NEO1: variants seen among roughly 807,000 people sequenced by gnomAD.
The protein encoded by NEO1 is neogenin.
In NEO1, 63 loss-of-function variants were observed where a neutral mutation model predicts 159.7. The observed-to-expected ratio is 0.39, with a 90% CI of 0.32 to 0.49. The LOEUF (loss-of-function observed/expected upper bound fraction) is 0.49. Ranked by LOEUF, NEO1 falls within the 20% of genes least tolerant of loss-of-function variation. The probability of loss-of-function intolerance (pLI) is 0.85; values close to 1 mark genes in which losing one functional copy is unlikely to be tolerated. For missense variants in NEO1, 1,615 were observed against 1,831.0 expected (o/e 0.88, Z 2.15); for synonymous variants, 633 against 662.0 (o/e 0.96, Z 0.67).
chr15:73,283,039 G>T lies in NEO1; in HGVS notation c.3338G>T (p.Gly1113Val). The change falls in exon 23 of 29, where the codon GGC becomes GTC. Residue 1113 changes from glycine (G) to valine (V), a missense_variant. By Grantham distance (109) the Gly-to-Val change is moderately radical. This residue lies in a region of NEO1 where 471 missense variants were observed against 498.9 expected (regional missense o/e 0.94). Transcript: ENST00000261908. ...NMLLVIIVSV[G>V]VITIVVVVII... ...CTGCTGGTCATAATTGTTTCTGTTG[G>T]CGTCATCACCATCGTGGTGGTTGTG... 6.2e-7 allele frequency: 1 copy of T among 1,614,122 alleles called. No individual in the cohort carries two copies. Among genetic ancestry groups the T allele is most frequent in the Non-Finnish European group, 8.5e-7 (1 of 1,180,030 alleles).
intron 12 of NEO1, among the ~76,000 whole-genome samples, chr15:73,254,155 A>C (rs2040223194): frequency 6.6e-6 from 1 of 152,080 alleles, no homozygotes; most frequent in Non-Finnish European, 1.5e-5. Context: ...ATGCTACTAC[A>C]CTATAGCCTG....
chr15:73,238,021 G>A (rs188163433), intron 8 of NEO1, among the ~76,000 whole-genome samples: 1 of 151,964 alleles, frequency 6.6e-6, no homozygotes, highest in Non-Finnish European at 1.5e-5. Flanking sequence ...TTAGCCCCTC[G>A]GTGACTGTCA....
At chr15:73,166,065 A>C (rs750154250) in intron 5 of NEO1, among the ~76,000 whole-genome samples, 4 of 152,050 alleles carry the variant, frequency 2.6e-5, no homozygotes, top group Non-Finnish European at 2.9e-5. Flanking sequence ...TTGATTTTTC[A>C]GGTTGTTCTG....
At chr15:73,211,174 G>A (rs1345403777) in intron 7 of NEO1, among the ~76,000 whole-genome samples, 2 of 152,166 alleles carry the variant, frequency 1.3e-5, no homozygotes, top group Non-Finnish European at 2.9e-5. Flanking sequence ...ACTGGACTAG[G>A]CCTCTTGCTG....
intron 14 of NEO1, 169 bp downstream of exon 14, chr15:73,259,045 T>C: frequency 1.7e-6 from 1 of 589,470 alleles, no homozygotes; most frequent in East Asian, 2.9e-5. Context: ...AATGGATTTT[T>C]TGCAGTGCCT....
chr15:73,177,204 CCTA>C (rs1269166671), intron 6 of NEO1, among the ~76,000 whole-genome samples: 1 of 151,970 alleles, frequency 6.6e-6, no homozygotes, highest in South Asian at 2.1e-4. Flanking sequence ...TTAGATATTA[CCTA>C]CTATTATCAT....
intron 1 of NEO1, among the ~76,000 whole-genome samples, chr15:73,084,925 G>C (rs2069271008): frequency 6.6e-6 from 1 of 151,964 alleles, no homozygotes; most frequent in Non-Finnish European, 1.5e-5. Context: ...CTTGTTCTAG[G>C]CATTGGATGT....
rs753598197 is a variant in NEO1 at position 73,249,147 on chromosome 15, G to A, written c.1694G>A (p.Gly565Asp). ...GTTACGTGGGAAACACCAGTGTCTGGCAATGGGGAAATTCAGAATTATAAA... is the reference window on the plus strand; with the variant it reads ...GTTACGTGGGAAACACCAGTGTCTGACAATGGGGAAATTCAGAATTATAAA... ...ITVTWETPVS[G>D]NGEIQNYKLY... Residue 565 changes from glycine to aspartate, a missense_variant, in exon 10 of 29, where the codon GGC becomes GAC. Physicochemically the swap from Gly to Asp is moderately conservative, Grantham distance 94. Transcript: ENST00000261908. 5.0e-6 allele frequency: 8 copies of A among 1,613,974 alleles called. No homozygotes were observed. The highest frequency in any genetic ancestry group is 1.7e-5 in the Admixed American group (1 of 60,000).
At chr15:73,153,809 T>G (rs148394550) in intron 5 of NEO1, among the ~76,000 whole-genome samples, 2 of 152,332 alleles carry the variant, frequency 1.3e-5, no homozygotes, top group African/African-American at 4.8e-5. Context: ...GGTATTGTTA[T>G]TAGTCCACTG....
intron 1 of NEO1, among the ~76,000 whole-genome samples, chr15:73,095,117 G>A (rs1485116182): frequency 2.0e-5 from 3 of 151,974 alleles, no homozygotes; most frequent in African/African-American, 4.8e-5. Context: ...GCTAAGGCAG[G>A]AGAATTGCTT....
chr15:73,085,275 A>G (rs1445858488), intron 1 of NEO1, among the ~76,000 whole-genome samples: 6 of 152,030 alleles, frequency 3.9e-5, no homozygotes, highest in Admixed American at 1.3e-4. Context: ...TCACACAACA[A>G]CATAGATGAA....
intron 1 of NEO1, among the ~76,000 whole-genome samples, chr15:73,086,000 C>G (rs557068374): frequency 1.3e-5 from 2 of 152,238 alleles, no homozygotes; most frequent in East Asian, 3.8e-4. Context: ...AGTGTTATGT[C>G]TAAGAACTCT....
At chr15:73,181,677 A>G (rs951468690) in intron 7 of NEO1, among the ~76,000 whole-genome samples, 33 of 152,182 alleles carry the variant, frequency 2.2e-4, no homozygotes, top group African/African-American at 5.8e-4. Flanking sequence ...AGAACTCACT[A>G]TCTCAAGGAC....
In NEO1 at chr15:73,206,621, T is replaced by G. The variant is rs181880484; in HGVS notation, c.1291+28194T>G. 8.9e-4 allele frequency among the ~76,000 whole-genome samples: 136 copies of G among 152,292 alleles called. 1 individual carries two copies. Among genetic ancestry groups the G allele is most frequent in the African/African-American group, 3.2e-3 (132 of 41,546 alleles). ...TTGTTGTTGTTTTGTTTTGTTTTTT[T>G]AATTACTCATGTATTTTCTCATGTC... On this transcript the variant is annotated intron_variant, in intron 7 of 28. Coordinates refer to ENST00000261908, the MANE Select transcript of NEO1 (RefSeq NM_002499.4).
intron 1 of NEO1, among the ~76,000 whole-genome samples, chr15:73,072,757 C>A (rs539434433): frequency 1.3e-5 from 2 of 151,874 alleles, no homozygotes; most frequent in East Asian, 3.8e-4. Flanking sequence ...TACTTAGGCC[C>A]GTTGTAGTAG....
intron 7 of NEO1, among the ~76,000 whole-genome samples, chr15:73,189,176 G>A (rs991315235): frequency 1.2e-4 from 18 of 152,124 alleles, no homozygotes; most frequent in Non-Finnish European, 1.9e-4. Context: ...TGATTGTGAA[G>A]TGGAATATTT....
At chr15:73,129,998 C>CT (rs899334115) in intron 4 of NEO1, among the ~76,000 whole-genome samples, 22 of 151,972 alleles carry the variant, frequency 1.4e-4, no homozygotes, top group African/African-American at 4.6e-4. Flanking sequence ...ATTGTTAGTT[C>CT]TTTTTTTTCT....
At chr15:73,181,630 G>A (rs1407516936) in intron 7 of NEO1, among the ~76,000 whole-genome samples, 2 of 151,968 alleles carry the variant, frequency 1.3e-5, no homozygotes, top group African/African-American at 2.4e-5. Context: ...AGTGAGGTGG[G>A]GGGGTGCCAC....
chr15:73,138,259 C>T lies in NEO1; in HGVS notation c.1015+2232C>T, dbSNP rs147601597. Among the ~76,000 whole-genome samples the T allele has an allele frequency of 8.0e-4, 121 of 152,164 alleles. 1 individual carries two copies. Among genetic ancestry groups the T allele is most frequent in the African/African-American group, 2.7e-3 (113 of 41,506 alleles). ...AGTGTTGATTTGAGAAATCTGGTAT[C>T]GGGAGGACAATAGCGTAATCTTTTT... On this transcript the variant is annotated intron_variant, in intron 5 of 28. Coordinates refer to ENST00000261908, the MANE Select transcript of NEO1 (RefSeq NM_002499.4).
Sources: allele counts gnomAD v4.1 joint callset (sites outside exome capture counted in the v4.1 genomes callset), GRCh38; gene constraint gnomAD v4.1.1; regional missense constraint gnomAD v4.1.1; transcripts MANE v1.5; gene names NCBI Gene and HGNC (gene_info 2026-07-23, HGNC 2026-07-21).